The following SLTM variants were observed in gnomAD, a reference collection of about 807,000 sequenced individuals.
SLTM encodes SAFB like transcription modulator.
Under a neutral mutation model 134.6 loss-of-function variants are expected in SLTM, and 43 were observed. The ratio of observed to expected loss-of-function variants is 0.32; its 90% CI spans 0.25 to 0.41. SLTM has a LOEUF of 0.41. Among genes scored for constraint, SLTM ranks in the 10% least tolerant of loss-of-function variants. SLTM has a pLI of 1.00. For synonymous variants in SLTM, 424 were observed against 432.3 expected, an observed-to-expected ratio of 0.98 and a Z score of 0.24; for missense variants, 1,055 against 1,288.8, an observed-to-expected ratio of 0.82 and a Z score of 2.78.
In SLTM at chr15:58,888,378, T is replaced by C. The variant is rs758655264; in HGVS notation, c.2375+7A>G. 113 of 1,582,360 alleles carry C rather than the reference T, an allele frequency of 7.1e-5. No individual in the cohort carries two copies. Among genetic ancestry groups the C allele is most frequent in the Non-Finnish European group, 9.3e-5 (109 of 1,168,768 alleles). On this transcript the variant is annotated splice_region_variant and intron_variant, in intron 17 of 20. Transcript: ENST00000380516. ...AAAATAAATATAACAATTTTCAACA[T>C]ATCTACCTTTCAAAAGATGAAGACT...
chr15:58,928,167 C>T (rs921646295), intron 2 of SLTM, among the ~76,000 whole-genome samples: 1 of 152,138 alleles, frequency 6.6e-6, no homozygotes, highest in East Asian at 1.9e-4. Flanking sequence ...AAATACTGTA[C>T]TGATTAACCA....
rs1391992095 is a variant in SLTM at position 58,899,768 on chromosome 15, G to A, written c.759C>T (p.Ile253=). 1.2e-6 allele frequency: 2 copies of A among 1,613,974 alleles called. No individual in the cohort carries two copies. The highest frequency in any genetic ancestry group is 4.5e-5 in the East Asian group (2 of 44,900). The change falls in exon 7 of 21, where the codon ATC becomes ATT. Residue 253 remains isoleucine, a synonymous_variant. Transcript: ENST00000380516. The surrounding 1 kb of genome is among the most constrained non-coding windows in gnomAD (Gnocchi z 5.0). ...GGTCATCACCATCAAAATCCAGAGT[G>A]ATGGCATCTTCAGCCTGGATTGTGA... ...ISVTIQAEDA[I]TLDFDGDDLL...
intron 2 of SLTM, among the ~76,000 whole-genome samples, chr15:58,922,690 C>T (rs533048708): frequency 3.4e-5 from 5 of 145,982 alleles, no homozygotes; most frequent in East Asian, 2.0e-4. Context: ...AATATAAAAC[C>T]GATATTCAAG....
Position 58,880,233 on chromosome 15 carries a change from G to A in SLTM, c.2997-126C>T, listed in dbSNP as rs559119354. On this transcript the variant is annotated intron_variant, in intron 20 of 20. Coordinates refer to ENST00000380516, the MANE Select transcript of SLTM (RefSeq NM_024755.4). ...TTACTCTTTTCAACAGTCCCGTGAG[G>A]TCTGAACCATTGCTAACCCCACTTT... is the stretch of plus-strand genomic sequence containing the variant. The A allele has an allele frequency of 1.1e-5, 14 of 1,289,828 alleles. No individual in the cohort carries two copies. In the East Asian group the frequency reaches 3.8e-4, roughly 35 times the overall value. The allele number at this position is 1,289,828 out of a possible 1,614,324, so 79.9% of individuals were successfully genotyped here. A position where few individuals can be genotyped will look rare whatever the true frequency, so the allele number is the denominator to read the frequency against.
At chr15:58,887,714 T>A in intron 17 of SLTM, 174 bp from the exon 18 acceptor site, 1 of 830,038 alleles carries the variant, frequency 1.2e-6, no homozygotes, top group Non-Finnish European at 1.5e-6. Flanking sequence ...TAAACTGAAC[T>A]AAGTGTCTAG....
chr15:58,894,324 A>C, intron 10 of SLTM, 109 bp downstream of exon 10: 1 of 1,475,550 alleles, frequency 6.8e-7, no homozygotes, highest in Non-Finnish European at 9.3e-7. Flanking sequence ...ACAAATACAT[A>C]AAAATTAAAA....
intron 5 of SLTM, among the ~76,000 whole-genome samples, chr15:58,906,505 C>T (rs1309759234): frequency 1.3e-5 from 2 of 152,182 alleles, no homozygotes; most frequent in African/African-American, 4.8e-5. Context: ...AAGCCTAGGA[C>T]TTATTTTTCA....
chr15:58,899,822 C>G lies in SLTM; in HGVS notation c.705G>C (p.Val235=). ...AGATGTTGTCATCCTCAGCTTCTTT[C>G]ACAGTCGTATGAGCTTCCATCTCTT... The part of the protein sequence containing the change: ...AHEEMEAHTT[V]KEAEDDNISV... The change falls in exon 7 of 21, where the codon GTG becomes GTC. Residue 235 remains valine, a synonymous_variant. Transcript: ENST00000380516. The surrounding 1 kb of genome is among the most constrained non-coding windows in gnomAD (Gnocchi z 5.0). The G allele has an allele frequency of 6.2e-7, 1 of 1,614,162 alleles. No individual in the cohort carries two copies. The highest frequency in any genetic ancestry group is 1.1e-5 in the South Asian group (1 of 91,090).
At chr15:58,918,320 C>G (rs1218225952) in intron 2 of SLTM, among the ~76,000 whole-genome samples, 2 of 152,070 alleles carry the variant, frequency 1.3e-5, no homozygotes. Context: ...ACAACTGGCA[C>G]AGACAGTGCT....
intron 5 of SLTM, among the ~76,000 whole-genome samples, chr15:58,904,794 T>C (rs2035755677): frequency 6.6e-6 from 1 of 152,104 alleles, no homozygotes; most frequent in Non-Finnish European, 1.5e-5. Context: ...AACTGAACCC[T>C]CCGACTCCCT....
At chr15:58,881,453 G>A (rs1168510931) in intron 20 of SLTM, among the ~76,000 whole-genome samples, 1 of 152,050 alleles carries the variant, frequency 6.6e-6, no homozygotes, top group Non-Finnish European at 1.5e-5. Context: ...CGTGAACCCA[G>A]GAGGCGGAGG....
At chr15:58,907,075 T>C (rs1422512157) in intron 5 of SLTM, among the ~76,000 whole-genome samples, 3 of 151,940 alleles carry the variant, frequency 2.0e-5, no homozygotes, top group Non-Finnish European at 4.4e-5. Flanking sequence ...ATATCAAGGA[T>C]TGAGTAAGGT....
At chr15:58,890,196 C>G in intron 15 of SLTM, 85 bp downstream of exon 15, 1 of 1,506,216 alleles carries the variant, frequency 6.6e-7, no homozygotes, top group Non-Finnish European at 9.1e-7. Flanking sequence ...AGACGCTTTA[C>G]AACAAGTAAA....
chr15:58,883,520 A>G, intron 20 of SLTM, 106 bp downstream of exon 20: 1 of 1,438,364 alleles, frequency 7.0e-7, no homozygotes, highest in South Asian at 1.3e-5. Flanking sequence ...AGGCAGATCT[A>G]GGGTTTTCAG....
chr15:58,893,455 A>G, intron 12 of SLTM, 91 bp from the exon 13 acceptor site: 1 of 834,292 alleles, frequency 1.2e-6, no homozygotes, highest in South Asian at 1.7e-5. Context: ...TGATAGTCAC[A>G]CACCAATACA....
intron 6 of SLTM, chr15:58,900,405 T>C: frequency 6.4e-6 from 1 of 156,784 alleles, no homozygotes; most frequent in Non-Finnish European, 1.4e-5. Flanking sequence ...GCCCCATCTT[T>C]TCCACTCTTC....
intron 8 of SLTM, chr15:58,898,045 A>G (rs1402246151): frequency 6.6e-6 from 1 of 152,144 alleles, no homozygotes; most frequent in Non-Finnish European, 1.5e-5. Flanking sequence ...TATACAAGCA[A>G]TTAAAAGGAA....
At chr15:58,932,895 A>G (rs1244706448) in intron 1 of SLTM, among the ~76,000 whole-genome samples, 1 of 152,236 alleles carries the variant, frequency 6.6e-6, no homozygotes, top group Non-Finnish European at 1.5e-5. Context: ...CTAAAAGCCT[A>G]GTGGAAAACA....
chr15:58,925,770 C>T (rs1456371833), intron 2 of SLTM, among the ~76,000 whole-genome samples: 4 of 152,162 alleles, frequency 2.6e-5, no homozygotes, highest in African/African-American at 7.2e-5. Context: ...ACAATTCCGG[C>T]ACACTCCTTC....
Sources: gnomAD v4.1 joint callset for allele counts (sites outside exome capture counted in the v4.1 genomes callset) on GRCh38, gnomAD v4.1.1 for gene constraint, Gnocchi (gnomAD v3.1) non-coding constraint, MANE v1.5 for transcripts, NCBI Gene and HGNC (gene_info 2026-07-23, HGNC 2026-07-21) for gene names.